Variants in DPP6 observed in about 807,000 individuals in gnomAD.
DPP6 encodes dipeptidyl peptidase like 6.
In DPP6, 69 loss-of-function variants were observed where a neutral mutation model predicts 122.6. That is an observed-to-expected ratio of 0.56 (90% confidence interval 0.46 to 0.69). The LOEUF (loss-of-function observed/expected upper bound fraction) is 0.69, where lower values mean the gene tolerates loss of function less well. DPP6 is among the 30% of genes least tolerant of loss of function. The pLI is 0.00. For synonymous variants in DPP6, 418 were observed against 433.1 expected, an observed-to-expected ratio of 0.97 and a Z score of 0.43; for missense variants, 928 against 1,116.9, an observed-to-expected ratio of 0.83 and a Z score of 2.41.
At chr7:154,230,797 G>A (rs1800876729) in intron 1 of DPP6, among the ~76,000 whole-genome samples, 1 of 152,316 alleles carries the variant, frequency 6.6e-6, no homozygotes, top group East Asian at 1.9e-4. Context: ...GACTGAATGA[G>A]CCCTGAGTGC....
intron 16 of DPP6, among the ~76,000 whole-genome samples, chr7:154,810,288 GC>G (rs1388284518): frequency 7.9e-5 from 12 of 152,332 alleles, no homozygotes; most frequent in African/African-American, 2.9e-4. Flanking sequence ...ATAAGCTGCA[GC>G]CCTGGGTTGA....
At chr7:154,458,591 A>G (rs1821006333) in intron 2 of DPP6, among the ~76,000 whole-genome samples, 1 of 152,218 alleles carries the variant, frequency 6.6e-6, no homozygotes, top group Admixed American at 6.5e-5. Context: ...CTGGGAGAGC[A>G]TACTCTTCTG....
At position 154,561,869 on chromosome 7, in the gene DPP6, C is replaced by G. The variant is rs191866869; in HGVS notation, c.553-4973C>G. Among the ~76,000 whole-genome samples the G allele has an allele frequency of 1.1e-3, 160 of 152,170 alleles. 3 individuals carry two copies. The highest frequency in any genetic ancestry group is 9.6e-3 in the Admixed American group (146 of 15,274). ...GAAACAGAAAAGTCCTTGAAAGACA[C>G]AAAGTATTACAGTTCACCAGTTAAG... On this transcript the variant is annotated intron_variant, in intron 4 of 25. Transcript: ENST00000377770.
At chr7:154,620,052 C>T (rs567347527) in intron 5 of DPP6, among the ~76,000 whole-genome samples, 7 of 152,292 alleles carry the variant, frequency 4.6e-5, no homozygotes, top group South Asian at 4.1e-4. Context: ...TTCACAAGCA[C>T]GTTGAATGAT....
At chr7:154,127,652 G>GACACACACACACAC (rs66703506) in intron 1 of DPP6, among the ~76,000 whole-genome samples, 2 of 79,102 alleles carry the variant, frequency 2.5e-5, no homozygotes, top group African/African-American at 6.7e-5. Flanking sequence ...CACACACACA[G>GACACACACACACAC]ACACACACAC....
At chr7:154,271,511 C>G (rs1803791389) in intron 1 of DPP6, among the ~76,000 whole-genome samples, 1 of 152,214 alleles carries the variant, frequency 6.6e-6, no homozygotes, top group African/African-American at 2.4e-5. Context: ...CCAGCATGGA[C>G]AGGAGGCCCT....
At chr7:153,953,765 C>T (rs10251831) in intron 1 of DPP6, among the ~76,000 whole-genome samples, 54,490 of 151,978 alleles carry the variant, frequency 0.36, 10,497 homozygotes, top group East Asian at 0.59. Context: ...TGTGTGTGCA[C>T]GTAGACACAC....
the DPP6 span, among the ~76,000 whole-genome samples, chr7:153,848,398 G>C: frequency 8.6e-5 from 13 of 151,940 alleles, no homozygotes; most frequent in Non-Finnish European, 1.9e-4. Flanking sequence ...TCTGCTCTTA[G>C]AGAATTCAGC....
At position 154,833,190 on chromosome 7, in the gene DPP6, G is replaced by A. The variant is rs1800766232; in HGVS notation, c.1667-20590G>A. On this transcript the variant is annotated intron_variant, in intron 16 of 25. Coordinates refer to ENST00000377770, the MANE Select transcript of DPP6 (RefSeq NM_130797.4). This position sits in a 1 kb window ranked among gnomAD's most constrained non-coding sequence, Gnocchi z 4.3. ...AGCCTGGGCTCCGATGCACACAGGA[G>A]CAGTGCAGAAGAGTGAGGGTCCCGG... 6.6e-6 allele frequency among the ~76,000 whole-genome samples: 1 copy of A among 152,214 alleles called. No individual in the cohort carries two copies. Among genetic ancestry groups the A allele is most frequent in the Non-Finnish European group, 1.5e-5 (1 of 68,054 alleles).
At chr7:154,404,801 T>C (rs1196753252) in intron 1 of DPP6, among the ~76,000 whole-genome samples, 1 of 152,164 alleles carries the variant, frequency 6.6e-6, no homozygotes. Context: ...GCAGTAAAAA[T>C]GTTGATATGC....
chr7:154,239,252 A>G (rs1460344846), intron 1 of DPP6, among the ~76,000 whole-genome samples: 4 of 152,244 alleles, frequency 2.6e-5, no homozygotes. Context: ...ATGGCAAAAC[A>G]ACTCCAAAAA....
At chr7:154,003,214 C>G (rs1797762457) in intron 1 of DPP6, among the ~76,000 whole-genome samples, 3 of 152,150 alleles carry the variant, frequency 2.0e-5, no homozygotes, top group Non-Finnish European at 2.9e-5. Flanking sequence ...CGTCGGTGAC[C>G]CGCAGAACTC....
At chr7:154,232,184 A>C (rs760217780) in intron 1 of DPP6, among the ~76,000 whole-genome samples, 13 of 152,110 alleles carry the variant, frequency 8.5e-5, no homozygotes, top group Non-Finnish European at 1.3e-4. Flanking sequence ...GAACAAAATC[A>C]GGCTATCTAA....
intron 1 of DPP6, among the ~76,000 whole-genome samples, chr7:154,331,834 C>T (rs770755977): frequency 7.2e-5 from 11 of 152,078 alleles, no homozygotes; most frequent in Admixed American, 3.3e-4. Context: ...TGTGACTTTC[C>T]CAAAATACAG....
chr7:154,236,014 G>A (rs1482609404), intron 1 of DPP6, among the ~76,000 whole-genome samples: 6 of 151,918 alleles, frequency 3.9e-5, no homozygotes, highest in East Asian at 1.9e-4. Context: ...CACTACTCCC[G>A]GCTAATTTTT....
chr7:154,733,904 A>G (rs1016524419), intron 8 of DPP6, among the ~76,000 whole-genome samples: 1 of 152,216 alleles, frequency 6.6e-6, no homozygotes, highest in African/African-American at 2.4e-5. Context: ...GCTTTAATTT[A>G]CATTCATGAC....
intron 1 of DPP6, among the ~76,000 whole-genome samples, chr7:154,024,917 T>A (rs1264532016): frequency 6.6e-6 from 1 of 152,116 alleles, no homozygotes; most frequent in East Asian, 1.9e-4. Flanking sequence ...TTTGCCAGGG[T>A]CAAATAGTCA....
At chr7:154,718,127 G>A (rs1324382085) in intron 7 of DPP6, among the ~76,000 whole-genome samples, 1 of 152,128 alleles carries the variant, frequency 6.6e-6, no homozygotes, top group African/African-American at 2.4e-5. Context: ...AGTTGTTTGA[G>A]TTCCTTATGT....
intron 6 of DPP6, among the ~76,000 whole-genome samples, chr7:154,651,737 G>A (rs141237584): frequency 6.6e-6 from 1 of 152,284 alleles, no homozygotes; most frequent in Non-Finnish European, 1.5e-5. Context: ...CAGATGGGCA[G>A]CCGAAAGGGA....
Sources: allele counts gnomAD v4.1 joint callset (sites outside exome capture counted in the v4.1 genomes callset), GRCh38; gene constraint gnomAD v4.1.1; non-coding constraint Gnocchi (gnomAD v3.1); transcripts MANE v1.5; gene names NCBI Gene and HGNC (gene_info 2026-07-23, HGNC 2026-07-21).